EFEMP1: variants seen among roughly 807,000 people sequenced by gnomAD.
EFEMP1 encodes EGF-like fibulin extracellular matrix protein 1, also known as EGF-containing fibulin-like extracellular matrix protein 1.
A neutral mutation model predicts 65.7 loss-of-function variants in EFEMP1; 18 were observed. The ratio of observed to expected loss-of-function variants is 0.27; its 90% confidence interval spans 0.19 to 0.41. The LOEUF (loss-of-function observed/expected upper bound fraction) is 0.41, where lower values mean the gene tolerates loss of function less well. Ranked by LOEUF, EFEMP1 falls within the 10% of genes least tolerant of loss-of-function variation. The pLI, the probability that EFEMP1 is intolerant of heterozygous loss-of-function variation, is 1.00. For synonymous variants in EFEMP1, 237 were observed against 219.7 expected, an observed-to-expected ratio of 1.08 and a Z score of -0.70; for missense variants, 469 against 624.8, an observed-to-expected ratio of 0.75 and a Z score of 2.66.
chr2:55,882,636 G>A (rs1447546123), intron 5 of EFEMP1, among the ~76,000 whole-genome samples: 1 of 151,802 alleles, frequency 6.6e-6, no homozygotes, highest in Non-Finnish European at 1.5e-5. Flanking sequence ...TATTCATTCG[G>A]CTCTCCTATA....
chr2:55,922,361 G>A lies in EFEMP1; in HGVS notation c.80C>T (p.Thr27Met), dbSNP rs768601184. 1.2e-6 allele frequency: 2 copies of A among 1,613,454 alleles called. No homozygotes were observed. The highest frequency in any genetic ancestry group is 1.7e-6 in the Non-Finnish European group (2 of 1,179,508). Residue 27 changes from threonine to methionine, a missense_variant and splice_region_variant, in exon 3 of 12, where the codon ACG becomes ATG. Around this residue, in one of 3 missense-constraint regions of EFEMP1, gnomAD observed 66 missense variants for 73.0 expected, o/e 0.90. Coordinates refer to ENST00000355426, the MANE Select transcript of EFEMP1 (RefSeq NM_001039348.3). The surrounding 1 kb of genome is among the most constrained non-coding windows in gnomAD (Gnocchi z 5.5). ...SQDTEETITY[T>M]QCTDGYEWDP... The stretch of plus-strand genomic sequence containing the variant: ...ATTTCAAATTCCATCACCCCTTACC[G>A]TGTACGTGATGGTTTCTTCGGTGTC...
Position 55,886,085 on chromosome 2 carries a change from T to C in EFEMP1, c.518-4351A>G, listed in dbSNP as rs1669410616. ...GCTGCTTTTGGTTTAAGAAATAATTTAGAACTACTTTTGAATAAGCCACTG... is the reference window on the plus strand; with the variant it reads ...GCTGCTTTTGGTTTAAGAAATAATTCAGAACTACTTTTGAATAAGCCACTG... On this transcript the variant is annotated intron_variant, in intron 5 of 11. Coordinates refer to ENST00000355426, the MANE Select transcript of EFEMP1 (RefSeq NM_001039348.3). The surrounding 1 kb of genome is among the most constrained non-coding windows in gnomAD (Gnocchi z 4.0). Among the ~76,000 whole-genome samples, 1 of 152,226 alleles carries C rather than the reference T, an allele frequency of 6.6e-6. No homozygotes were observed. The highest frequency in any genetic ancestry group is 1.9e-4 in the East Asian group (1 of 5,204).
chr2:55,923,763 G>C lies in EFEMP1; in HGVS notation c.-101C>G. 2 of 986,222 alleles carry C rather than the reference G, an allele frequency of 2.0e-6. No homozygotes were observed. The highest frequency in any genetic ancestry group is 2.4e-6 in the Non-Finnish European group (2 of 830,592). 61.1% of individuals were successfully genotyped at this position (986,222 alleles called of 1,614,324 possible). A position where few individuals can be genotyped will look rare whatever the true frequency, so the allele number is the denominator to read the frequency against. On this transcript the variant is annotated 5_prime_UTR_variant, in exon 1 of 12. Coordinates refer to ENST00000355426, the MANE Select transcript of EFEMP1 (RefSeq NM_001039348.3). The surrounding 1 kb of genome is among the most constrained non-coding windows in gnomAD (Gnocchi z 5.3). ...CGGGCAGCGAGGGGAGTGCGCAGGG[G>C]AGGGCAGCCCCGTGGGTCTGATCTG... is the stretch of plus-strand genomic sequence containing the variant.
At chr2:55,916,994 C>A (rs55886642) in intron 5 of EFEMP1, among the ~76,000 whole-genome samples, 5,073 of 152,224 alleles carry the variant, frequency 0.033, 116 homozygotes, top group South Asian at 0.073. Flanking sequence ...AGTGAAACGT[C>A]GTCAAATGAG....
intron 5 of EFEMP1, among the ~76,000 whole-genome samples, chr2:55,897,136 G>A (rs2104418419): frequency 6.6e-6 from 1 of 152,340 alleles, no homozygotes; most frequent in East Asian, 1.9e-4. Flanking sequence ...TGTAATTACT[G>A]TCTGCTTCCT....
At position 55,923,652 on chromosome 2, in the gene EFEMP1, G is replaced by A. The variant is rs748104423; in HGVS notation, c.-49+59C>T. ...TCAGCTCACCCCACCTCACTCTCCC[G>A]CGCGCGGCCCAGTGAGTACTGGGCT... On this transcript the variant is annotated intron_variant, in intron 1 of 11. Coordinates refer to ENST00000355426, the MANE Select transcript of EFEMP1 (RefSeq NM_001039348.3). This position sits in a 1 kb window ranked among gnomAD's most constrained non-coding sequence, Gnocchi z 5.3. 5.1e-6 allele frequency: 5 copies of A among 985,618 alleles called. No homozygotes were observed. Among genetic ancestry groups the A allele is most frequent in the African/African-American group, 1.7e-5 (1 of 57,330 alleles). 61.1% of individuals were successfully genotyped at this position (985,618 alleles called of 1,614,324 possible).
intron 5 of EFEMP1, among the ~76,000 whole-genome samples, chr2:55,889,815 A>C (rs1228368309): frequency 1.6e-5 from 2 of 127,060 alleles, no homozygotes; most frequent in Non-Finnish European, 3.3e-5. Context: ...AAAAACAATA[A>C]AGGAATGGTA....
chr2:55,895,837 G>A (rs1372006326), intron 5 of EFEMP1, among the ~76,000 whole-genome samples: 6 of 152,102 alleles, frequency 3.9e-5, no homozygotes, highest in Admixed American at 6.5e-5. Flanking sequence ...CACCGCGCCC[G>A]GCCAAATTAT....
At chr2:55,914,425 A>G (rs949311341) in intron 5 of EFEMP1, among the ~76,000 whole-genome samples, 2 of 152,218 alleles carry the variant, frequency 1.3e-5, no homozygotes, top group African/African-American at 4.8e-5. Flanking sequence ...GGGAATAAAC[A>G]TATCATGTTT....
intron 5 of EFEMP1, among the ~76,000 whole-genome samples, 162 bp from the exon 6 acceptor site, chr2:55,881,896 A>G (rs1050277008): frequency 1.3e-5 from 2 of 152,236 alleles, no homozygotes; most frequent in African/African-American, 4.8e-5. Flanking sequence ...AAGTGTTCAG[A>G]AAATAATTTT....
At chr2:55,879,317 T>C (rs1050935400) in intron 6 of EFEMP1, among the ~76,000 whole-genome samples, 1 of 152,220 alleles carries the variant, frequency 6.6e-6, no homozygotes, top group African/African-American at 2.4e-5. Context: ...AATTTTAGCA[T>C]AGTGCTTCCT....
In EFEMP1 at chr2:55,876,644, T is replaced by G. The variant is rs1337056250; in HGVS notation, c.859A>C (p.Ser287Arg). ...TTACCTTCACAGTTGAGCCTGTCAC[T>G]GCTTAGCTCATATCCTTGATTGCAC... is the stretch of plus-strand genomic sequence containing the variant. Reference protein sequence around the residue: ...CQCNQGYELSSDRLNCEDIDE... With the variant: ...CQCNQGYELSRDRLNCEDIDE... Residue 287 changes from serine to arginine, a missense_variant, in exon 8 of 12, where the codon AGT (serine) becomes CGT (arginine). By Grantham distance (110) the Ser-to-Arg change is moderately radical. Coordinates refer to ENST00000355426, the MANE Select transcript of EFEMP1 (RefSeq NM_001039348.3). 6.2e-7 allele frequency: 1 copy of G among 1,612,378 alleles called. No homozygotes were observed. The highest frequency in any genetic ancestry group is 1.1e-5 in the South Asian group (1 of 91,028).
intron 5 of EFEMP1, among the ~76,000 whole-genome samples, chr2:55,905,000 T>C (rs1429618708): frequency 7.9e-6 from 1 of 126,812 alleles, no homozygotes; most frequent in Non-Finnish European, 1.6e-5. Flanking sequence ...TTTTTTTTTT[T>C]TGCTGAGCAA....
chr2:55,898,769 A>G (rs940210196), intron 5 of EFEMP1, among the ~76,000 whole-genome samples: 2 of 152,048 alleles, frequency 1.3e-5, no homozygotes, highest in Non-Finnish European at 2.9e-5. Flanking sequence ...CTGTCTTCCA[A>G]TGGAATTTTC....
In EFEMP1 at chr2:55,918,210, CT is replaced by C; in HGVS notation, c.130+8del. 1.2e-6 allele frequency: 2 copies of C among 1,614,178 alleles called. No individual in the cohort carries two copies. Among genetic ancestry groups the C allele is most frequent in the Non-Finnish European group, 1.7e-6 (2 of 1,180,006 alleles). ...AATGATCACATGGAAGTCTTTGAAG[CT>C]GGCTCACCTTTGCATTGCTGTCTCA... On this transcript the variant is annotated splice_region_variant and intron_variant, in intron 4 of 11. Transcript: ENST00000355426.
At position 55,876,565 on chromosome 2, in the gene EFEMP1, A is replaced by G. The variant is rs1669042532; in HGVS notation, c.880+58T>C. ...TCATAAATGGGTACATAATCAGATA[A>G]AACAACAGCAGTCACAGGAATTGGA... On this transcript the variant is annotated intron_variant, in intron 8 of 11. Coordinates refer to ENST00000355426, the MANE Select transcript of EFEMP1 (RefSeq NM_001039348.3). 2.5e-6 allele frequency: 4 copies of G among 1,598,940 alleles called. No individual in the cohort carries two copies. In the East Asian group the frequency reaches 9.1e-5, roughly 36 times the overall value.
rs754852903 is a variant in EFEMP1, at chr2:55,873,231, G to A, written c.1000+1715C>T. Among the ~76,000 whole-genome samples, 1 of 152,006 alleles carries A rather than the reference G, an allele frequency of 6.6e-6. No homozygotes were observed. Among genetic ancestry groups the A allele is most frequent in the East Asian group, 1.9e-4 (1 of 5,194 alleles). On this transcript the variant is annotated intron_variant, in intron 9 of 11. Coordinates refer to ENST00000355426, the MANE Select transcript of EFEMP1 (RefSeq NM_001039348.3). The surrounding 1 kb of genome is among the most constrained non-coding windows in gnomAD (Gnocchi z 4.6). ...CCTGTGGACAAGGCTCAGAAGGAAC[G>A]ATTTCCGTAGGAGAAAGCAATTGCT... is the stretch of plus-strand genomic sequence containing the variant.
rs551100430 is a variant in EFEMP1, at chr2:55,868,180, G to A, written c.1321-946C>T. The stretch of plus-strand genomic sequence containing the variant: ...TTGTTGTGTCTCCAGGATCTTCCAC[G>A]GTGCATACCTCTTGTAAACAATAGT... On this transcript the variant is annotated intron_variant, in intron 11 of 11. Transcript: ENST00000355426. Among the ~76,000 whole-genome samples, 59 of 152,234 alleles carry A rather than the reference G, an allele frequency of 3.9e-4. No individual in the cohort carries two copies. The South Asian group carries it at 0.011, about 28-fold the overall frequency.
chr2:55,899,781 G>A (rs559381769), intron 5 of EFEMP1, among the ~76,000 whole-genome samples: 17 of 152,254 alleles, frequency 1.1e-4, no homozygotes, highest in South Asian at 4.1e-4. Context: ...TCAGGAAAGT[G>A]GACTCTGCTG....
Sources: gnomAD v4.1 joint callset for allele counts (sites outside exome capture counted in the v4.1 genomes callset) on GRCh38, gnomAD v4.1.1 for gene constraint, gnomAD v4.1.1 regional missense constraint, Gnocchi (gnomAD v3.1) non-coding constraint, MANE v1.5 for transcripts, NCBI Gene and HGNC (gene_info 2026-07-23, HGNC 2026-07-21) for gene names.